Variants in GLT1D1 observed in about 807,000 individuals in gnomAD.
The protein encoded by GLT1D1 is glycosyltransferase 1 domain-containing protein 1.
GLT1D1 carries 21 observed loss-of-function variants against 28.7 expected under a neutral mutation model. That is an observed-to-expected ratio of 0.73 (90% CI 0.52 to 1.05). GLT1D1 has a LOEUF of 1.05. Ranked by LOEUF, GLT1D1 falls within the 50% of genes least tolerant of loss-of-function variation. The pLI, the probability that GLT1D1 is intolerant of heterozygous loss-of-function variation, is 0.00. For synonymous variants in GLT1D1, 147 were observed against 124.8 expected (o/e 1.18, Z -1.19); for missense variants, 343 against 330.6 (o/e 1.04, Z -0.29).
At chr12:128,908,687 C>A (rs1003784027) in intron 4 of GLT1D1, among the ~76,000 whole-genome samples, 3 of 151,968 alleles carry the variant, frequency 2.0e-5, no homozygotes, top group African/African-American at 7.3e-5. Context: ...CGGTGGCTCA[C>A]GCCTGTAATC....
At chr12:128,958,740 C>T (rs12810207) in intron 7 of GLT1D1, among the ~76,000 whole-genome samples, 15,204 of 100,496 alleles carry the variant, frequency 0.15, 1,157 homozygotes, top group South Asian at 0.22. Flanking sequence ...CAGAGTGGGA[C>T]TCTGCCTCAA....
At chr12:128,942,673 A>G (rs2135483042) in intron 4 of GLT1D1, among the ~76,000 whole-genome samples, 1 of 151,602 alleles carries the variant, frequency 6.6e-6, no homozygotes, top group Middle Eastern at 3.4e-3. Flanking sequence ...CAGACCACAC[A>G]GCACATCAGC....
At chr12:128,936,694 T>C (rs1204472060) in intron 4 of GLT1D1, among the ~76,000 whole-genome samples, 2 of 152,228 alleles carry the variant, frequency 1.3e-5, no homozygotes, top group Non-Finnish European at 2.9e-5. Flanking sequence ...GACAGCTTAA[T>C]GACTTTCCAC....
chr12:128,970,772 T>C (rs470757), intron 7 of GLT1D1, among the ~76,000 whole-genome samples: 120,744 of 152,198 alleles, frequency 0.79, 48,009 homozygotes, highest in East Asian at 0.88. Context: ...GGGGTTCCCA[T>C]TTGGGTTTCC....
intron 3 of GLT1D1, among the ~76,000 whole-genome samples, chr12:128,892,712 A>C (rs909130179): frequency 1.3e-5 from 2 of 152,112 alleles, no homozygotes; most frequent in African/African-American, 4.8e-5. Context: ...ATTTTTAATC[A>C]AATGTTTTTA....
At chr12:128,950,573 GAAGCTTAAAAA>G (rs1876595416) in intron 6 of GLT1D1, among the ~76,000 whole-genome samples, 2 of 152,124 alleles carry the variant, frequency 1.3e-5, no homozygotes, top group Non-Finnish European at 2.9e-5. Flanking sequence ...GAATGACCTT[GAAGCTTAAAAA>G]ACCATAAATA....
At chr12:128,891,058 A>G (rs1868994960) in intron 3 of GLT1D1, among the ~76,000 whole-genome samples, 1 of 151,724 alleles carries the variant, frequency 6.6e-6, no homozygotes, top group Non-Finnish European at 1.5e-5. Flanking sequence ...GCAGTAAGCA[A>G]GATGTTGCCA....
At chr12:128,952,773 C>CTTTGTTTTTTTTT (rs1876852486) in intron 6 of GLT1D1, among the ~76,000 whole-genome samples, 1 of 58,936 alleles carries the variant, frequency 1.7e-5, no homozygotes, top group African/African-American at 7.9e-5. Context: ...CCGTGACTGG[C>CTTTGTTTTTTTTT]TTTTTTTTTT....
intron 4 of GLT1D1, among the ~76,000 whole-genome samples, chr12:128,943,382 C>G (rs2135485274): frequency 6.6e-6 from 1 of 151,062 alleles, no homozygotes; most frequent in South Asian, 2.1e-4. Flanking sequence ...GGGAGTGGCA[C>G]TATAACTTGT....
intron 7 of GLT1D1, among the ~76,000 whole-genome samples, chr12:128,977,765 CTTTTTTCTTTTTTCTTT>C (rs1354751256): frequency 5.7e-4 from 80 of 141,374 alleles, no homozygotes; most frequent in Middle Eastern, 3.5e-3. Flanking sequence ...GAGTTCTTTT[CTTTTTTCTTTTTTCTTT>C]TTTTTTTTTT....
chr12:128,965,950 G>T (rs1318456273), intron 7 of GLT1D1, among the ~76,000 whole-genome samples: 2 of 152,220 alleles, frequency 1.3e-5, no homozygotes, highest in Non-Finnish European at 2.9e-5. Context: ...AGTTTCCAGT[G>T]ATGCCAATGC....
chr12:128,892,198 AG>A (rs1389459927), intron 3 of GLT1D1, among the ~76,000 whole-genome samples: 1 of 152,186 alleles, frequency 6.6e-6, no homozygotes, highest in East Asian at 1.9e-4. Flanking sequence ...TGCCCTTAGC[AG>A]TTCCCAGCTT....
chr12:128,859,377 T>G (rs1205988657), intron 1 of GLT1D1, among the ~76,000 whole-genome samples: 2 of 152,186 alleles, frequency 1.3e-5, no homozygotes, highest in Admixed American at 1.3e-4. Flanking sequence ...TCAGCGACTC[T>G]GCCTCCGGAA....
chr12:128,867,419 G>GAAA lies in GLT1D1; in HGVS notation c.69-8485_69-8483dup, dbSNP rs1318656397. The stretch of plus-strand genomic sequence containing the variant: ...TCTCAAAAAAAAAAAAAAAAAAACA[G>GAAA]AAAAAAAAAAAAGGAAAAGAAAAAA... On this transcript the variant is annotated intron_variant, in intron 1 of 7. Transcript: ENST00000281703. Among the ~76,000 whole-genome samples the GAAA allele has an allele frequency of 8.1e-3, 908 of 111,810 alleles. 13 individuals are homozygous for GAAA. Among genetic ancestry groups the GAAA allele is most frequent in the African/African-American group, 0.028 (848 of 30,238 alleles). The allele number at this position is 111,810 out of a possible 152,430, so 73.4% of individuals were successfully genotyped here. A position where few individuals can be genotyped will look rare whatever the true frequency, so the allele number is the denominator to read the frequency against.
chr12:128,869,400 G>A (rs1317718544), intron 1 of GLT1D1, among the ~76,000 whole-genome samples: 1 of 151,934 alleles, frequency 6.6e-6, no homozygotes, highest in South Asian at 2.1e-4. Context: ...AAACTCCTGG[G>A]CTCAACCCAT....
intron 4 of GLT1D1, among the ~76,000 whole-genome samples, chr12:128,936,098 G>A (rs930647680): frequency 2.4e-4 from 36 of 152,168 alleles, no homozygotes; most frequent in Admixed American, 2.2e-3. Flanking sequence ...ACACTTGGAC[G>A]GTGCCTGGAA....
At position 128,973,179 on chromosome 12, in the gene GLT1D1, G is replaced by GTTTTTTTTTTTTTT. The variant is rs61169176; in HGVS notation, c.640-9736_640-9723dup. Among the ~76,000 whole-genome samples the GTTTTTTTTTTTTTT allele has an allele frequency of 1.6e-4, 8 of 50,986 alleles. 1 individual carries two copies. The highest frequency in any genetic ancestry group is 2.4e-4 in the Non-Finnish European group (6 of 24,890). The allele number at this position is 50,986 out of a possible 152,430, so 33.4% of individuals were successfully genotyped here. On this transcript the variant is annotated intron_variant, in intron 7 of 7. Coordinates refer to ENST00000281703, the MANE Select transcript of GLT1D1 (RefSeq NM_144669.3). ...CTTTTCTGTTTTGTTTGTTTGCTTG[G>GTTTTTTTTTTTTTT]TTTTTTTTTTTTTTTTTTTTTTTTT...
At chr12:128,948,249 T>G (rs185075852) in intron 6 of GLT1D1, among the ~76,000 whole-genome samples, 442 of 152,314 alleles carry the variant, frequency 2.9e-3, no homozygotes, top group African/African-American at 9.9e-3. Flanking sequence ...TCTTCGGTGC[T>G]TGATATTAGG....
At chr12:128,864,280 C>T (rs950533140) in intron 1 of GLT1D1, 1 of 477,566 alleles carries the variant, frequency 2.1e-6, no homozygotes, top group Admixed American at 3.6e-5. Flanking sequence ...TTTGCTTAGT[C>T]CTGCACTAGG....
Sources: allele counts gnomAD v4.1 joint callset (sites outside exome capture counted in the v4.1 genomes callset), GRCh38; gene constraint gnomAD v4.1.1; transcripts MANE v1.5; gene names NCBI Gene and HGNC (gene_info 2026-07-23, HGNC 2026-07-21).